SEC22A: variants seen among roughly 807,000 people sequenced by gnomAD.
The protein encoded by SEC22A is vesicle-trafficking protein SEC22a.
Under a neutral mutation model 35.3 loss-of-function variants are expected in SEC22A, and 22 were observed. That is an observed-to-expected ratio of 0.62 (90% CI 0.45 to 0.89). The LOEUF is 0.89. Among genes scored for constraint, SEC22A ranks in the 40% least tolerant of loss-of-function variants. The pLI is 0.00. For synonymous variants in SEC22A, 119 were observed against 129.5 expected (o/e 0.92, Z 0.55); for missense variants, 354 against 362.5 (o/e 0.98, Z 0.19).
intron 4 of SEC22A, among the ~76,000 whole-genome samples, chr3:123,227,606 A>G (rs879356510): frequency 1.7e-4 from 26 of 151,730 alleles, no homozygotes; most frequent in Non-Finnish European, 2.9e-4. Flanking sequence ...AAAGTATAAT[A>G]AAAAAAGAAA....
intron 2 of SEC22A, among the ~76,000 whole-genome samples, chr3:123,222,892 A>G (rs192491103): frequency 6.3e-4 from 96 of 152,312 alleles, no homozygotes; most frequent in Non-Finnish European, 9.9e-4. Context: ...GCCTGATCCA[A>G]TCTTTACTAT....
At chr3:123,202,598 G>A (rs747416055) in intron 1 of SEC22A, among the ~76,000 whole-genome samples, 5 of 152,120 alleles carry the variant, frequency 3.3e-5, no homozygotes, top group Non-Finnish European at 5.9e-5. Context: ...AATTGGCTCG[G>A]CAAGTGGAGG....
intron 2 of SEC22A, among the ~76,000 whole-genome samples, chr3:123,212,123 A>AT (rs1936947479): frequency 6.6e-6 from 1 of 152,064 alleles, no homozygotes; most frequent in Non-Finnish European, 1.5e-5. Flanking sequence ...TGGGATAGAG[A>AT]TTTTGGAATC....
intron 6 of SEC22A, among the ~76,000 whole-genome samples, chr3:123,266,650 G>A (rs1433601536): frequency 2.0e-5 from 3 of 152,040 alleles, no homozygotes; most frequent in African/African-American, 7.2e-5. Flanking sequence ...AACACACATT[G>A]TGTGATTACA....
intron 5 of SEC22A, among the ~76,000 whole-genome samples, chr3:123,249,282 G>T (rs1308695375): frequency 6.6e-6 from 1 of 151,868 alleles, no homozygotes; most frequent in Admixed American, 6.6e-5. Flanking sequence ...TTTATGGAGG[G>T]TTCTTCATGT....
intron 4 of SEC22A, among the ~76,000 whole-genome samples, chr3:123,228,021 C>A (rs1937245624): frequency 6.6e-6 from 1 of 151,694 alleles, no homozygotes; most frequent in East Asian, 1.9e-4. Flanking sequence ...ATCCTAGAAG[C>A]TTCCTCTAGA....
At chr3:123,253,840 A>AT (rs1269059116) in intron 5 of SEC22A, among the ~76,000 whole-genome samples, 3 of 151,984 alleles carry the variant, frequency 2.0e-5, no homozygotes, top group African/African-American at 4.8e-5. Flanking sequence ...AAATAAAAGC[A>AT]TTTTTTCTGA....
chr3:123,209,856 G>C (rs554992889), intron 2 of SEC22A, among the ~76,000 whole-genome samples: 7 of 152,318 alleles, frequency 4.6e-5, no homozygotes, highest in African/African-American at 1.7e-4. Context: ...GACACTCTCT[G>C]AGAGGGTGAC....
At chr3:123,258,179 GTGTT>G (rs933012417) in intron 5 of SEC22A, among the ~76,000 whole-genome samples, 27 of 152,190 alleles carry the variant, frequency 1.8e-4, no homozygotes, top group African/African-American at 6.5e-4. Context: ...TCTTGGGAAA[GTGTT>G]TGTGTAGTAC....
chr3:123,242,774 A>G (rs1161013995), intron 4 of SEC22A, among the ~76,000 whole-genome samples: 2 of 152,210 alleles, frequency 1.3e-5, no homozygotes, highest in Non-Finnish European at 2.9e-5. Context: ...AGGCACAGAA[A>G]AGTTAGTCAT....
intron 2 of SEC22A, among the ~76,000 whole-genome samples, chr3:123,215,071 A>G (rs745309412): frequency 2.0e-5 from 3 of 152,188 alleles, no homozygotes; most frequent in Admixed American, 6.5e-5. Flanking sequence ...CTATAACCCA[A>G]TTATTGAGTA....
intron 4 of SEC22A, among the ~76,000 whole-genome samples, chr3:123,236,524 G>A (rs116015388): frequency 0.013 from 1,918 of 152,236 alleles, 40 homozygotes; most frequent in African/African-American, 0.045. Context: ...TTTGGAGAGC[G>A]TCTCTCCAGC....
rs201869502 is a variant in SEC22A, at chr3:123,213,855, G to GA, written c.182+4458dup. On this transcript the variant is annotated intron_variant, in intron 2 of 6. Transcript: ENST00000492595. ...AATAGGCAAGGGAAGACCAGAGTTT[G>GA]AAGGAAAAAAAAATCAGGGGAGTAA... Among the ~76,000 whole-genome samples the GA allele has an allele frequency of 2.9e-3, 438 of 151,512 alleles. 3 individuals carry two copies. Among genetic ancestry groups the GA allele is most frequent in the African/African-American group, 9.9e-3 (408 of 41,336 alleles).
At chr3:123,235,624 G>A (rs1166926547) in intron 4 of SEC22A, among the ~76,000 whole-genome samples, 1 of 152,184 alleles carries the variant, frequency 6.6e-6, no homozygotes, top group Non-Finnish European at 1.5e-5. Context: ...CAGTTTGGAA[G>A]TTCCTCAAAA....
intron 5 of SEC22A, among the ~76,000 whole-genome samples, chr3:123,253,106 A>G (rs1314417007): frequency 2.6e-5 from 4 of 152,040 alleles, no homozygotes; most frequent in Non-Finnish European, 5.9e-5. Flanking sequence ...GGCACATTAG[A>G]AAAAAAATGG....
chr3:123,212,795 G>A (rs570981478), intron 2 of SEC22A, among the ~76,000 whole-genome samples: 2 of 152,108 alleles, frequency 1.3e-5, no homozygotes, highest in African/African-American at 4.8e-5. Flanking sequence ...ATAAACTGAG[G>A]TAACATTTCC....
intron 4 of SEC22A, among the ~76,000 whole-genome samples, chr3:123,230,011 G>A (rs1937290511): frequency 1.3e-5 from 2 of 152,220 alleles, no homozygotes; most frequent in East Asian, 1.9e-4. Flanking sequence ...GGCCCGGTGT[G>A]GTGGCTCATG....
In SEC22A at chr3:123,233,176, G is replaced by T. The variant is rs181922416; in HGVS notation, c.541+7879G>T. The stretch of plus-strand genomic sequence containing the variant: ...TGTGCTACATAACAACATTTTGTCA[G>T]TGATAGACTGAATATATGGTGGTGA... On this transcript the variant is annotated intron_variant, in intron 4 of 6. Transcript: ENST00000492595. 5.1e-4 allele frequency among the ~76,000 whole-genome samples: 77 copies of T among 152,272 alleles called. 1 individual carries two copies. Among genetic ancestry groups the T allele is most frequent in the Non-Finnish European group, 8.1e-4 (55 of 68,032 alleles).
intron 4 of SEC22A, among the ~76,000 whole-genome samples, chr3:123,245,559 C>A (rs1474494184): frequency 6.6e-6 from 1 of 151,832 alleles, no homozygotes; most frequent in African/African-American, 2.4e-5. Context: ...ATTAGCCAGG[C>A]ATGGTGGCAC....
Sources: allele counts gnomAD v4.1 joint callset (sites outside exome capture counted in the v4.1 genomes callset), GRCh38; gene constraint gnomAD v4.1.1; transcripts MANE v1.5; gene names NCBI Gene and HGNC (gene_info 2026-07-23, HGNC 2026-07-21).